DHRS12: variants seen among roughly 807,000 people sequenced by gnomAD.
DHRS12 encodes the protein dehydrogenase/reductase SDR family member 12.
Under a neutral mutation model 32.1 loss-of-function variants are expected in DHRS12, and 29 were observed. The observed-to-expected ratio is 0.90, with a 90% CI of 0.67 to 1.23. DHRS12 has a LOEUF of 1.23. Ranked by LOEUF, DHRS12 falls within the 50% of genes most tolerant of loss-of-function variation. The pLI is 0.00. For missense variants in DHRS12, 330 were observed against 337.2 expected (o/e 0.98, Z 0.17); for synonymous variants, 150 against 135.9 (o/e 1.10, Z -0.72).
downstream of DHRS12, chr13:51,764,590 G>A (rs908045093): frequency 1.3e-5 from 2 of 152,310 alleles, no homozygotes; most frequent in African/African-American, 4.8e-5. Context: ...GCTGCTCCCT[G>A]GCCTCAGAGG....
intron 4 of DHRS12, among the ~76,000 whole-genome samples, chr13:51,778,239 T>C (rs2139060150): frequency 6.6e-6 from 1 of 152,308 alleles, no homozygotes; most frequent in South Asian, 2.1e-4. Flanking sequence ...GAGTTTGTGG[T>C]GAAATAAAAA....
chr13:51,791,128 C>T (rs370489265), intron 3 of DHRS12, 37 bp downstream of exon 3: 2 of 1,417,132 alleles, frequency 1.4e-6, no homozygotes, highest in African/African-American at 2.9e-5. Context: ...AATGGGCCAA[C>T]ATGAATTTAT....
intron 7 of DHRS12, 21 bp downstream of exon 7, chr13:51,771,800 C>A (rs1954030847): frequency 6.2e-7 from 1 of 1,612,820 alleles, no homozygotes; most frequent in South Asian, 1.1e-5. Context: ...AGTGGCTCAG[C>A]AATTAAAGGC....
chr13:51,758,953 C>T, the DHRS12 span, among the ~76,000 whole-genome samples: 9 of 152,168 alleles, frequency 5.9e-5, no homozygotes, highest in South Asian at 2.1e-4. Flanking sequence ...GGAGGTGAGA[C>T]GGAGGATCAC....
At chr13:51,802,713 A>G (rs1955816571) in intron 1 of DHRS12, among the ~76,000 whole-genome samples, 1 of 152,234 alleles carries the variant, frequency 6.6e-6, no homozygotes, top group African/African-American at 2.4e-5. Context: ...GCGCTCTCAC[A>G]CTGAAGTCAA....
chr13:51,777,102 G>A lies in DHRS12; in HGVS notation c.321C>T (p.Thr107=), dbSNP rs141348457. 177 of 1,613,960 alleles carry A rather than the reference G, an allele frequency of 1.1e-4. No individual in the cohort carries two copies. Among genetic ancestry groups the A allele is most frequent in the African/African-American group, 3.1e-4 (23 of 74,920 alleles). The change falls in exon 5 of 9, where the codon ACC becomes ACT. Residue 107 remains threonine, a synonymous_variant. Coordinates refer to ENST00000444610, the MANE Select transcript of DHRS12 (RefSeq NM_001377533.1). ...ANTLGVYILT[T]GLIPVLEKEH... is the part of the protein sequence containing the mutation. ...CTTTCTCCAGCACAGGGATCAGGCC[G>A]GTCGTGAGAATGTACACACCTGAGG...
At chr13:51,758,136 C>G in the DHRS12 span, 1 of 1,404,588 alleles carries the variant, frequency 7.1e-7, no homozygotes. Flanking sequence ...TCCTAGATCT[C>G]TCTCATTCAT....
At chr13:51,769,685 C>G (rs1366421345) in intron 7 of DHRS12, among the ~76,000 whole-genome samples, 1 of 152,234 alleles carries the variant, frequency 6.6e-6, no homozygotes, top group Admixed American at 6.5e-5. Context: ...CAGGAGCCCT[C>G]TCAAACCATC....
At chr13:51,797,647 C>T (rs1277340766) in intron 2 of DHRS12, among the ~76,000 whole-genome samples, 4 of 152,206 alleles carry the variant, frequency 2.6e-5, no homozygotes, top group Non-Finnish European at 5.9e-5. Context: ...CACTTATCCC[C>T]TTGTCAAACC....
Position 51,768,104 on chromosome 13 carries a change from G to A in DHRS12, c.*83C>T. ...CGTCTTCGAGGGGAAGTTGAAGTGG[G>A]GTCTTCTTATTCACTGGTCCCTAGA... On this transcript the variant is annotated 3_prime_UTR_variant, in exon 9 of 9. Coordinates refer to ENST00000444610, the MANE Select transcript of DHRS12 (RefSeq NM_001377533.1). 6.6e-7 allele frequency: 1 copy of A among 1,508,902 alleles called. No individual in the cohort carries two copies. The highest frequency in any genetic ancestry group is 8.8e-7 in the Non-Finnish European group (1 of 1,134,026). 93.5% of individuals were successfully genotyped at this position (1,508,902 alleles called of 1,614,324 possible). A position where few individuals can be genotyped will look rare whatever the true frequency, so the allele number is the denominator to read the frequency against.
chr13:51,795,137 G>T (rs1413532523), intron 2 of DHRS12, among the ~76,000 whole-genome samples: 2 of 152,196 alleles, frequency 1.3e-5, no homozygotes, highest in East Asian at 3.8e-4. Flanking sequence ...CCTGGTGCCT[G>T]TGCTCCCTGG....
At chr13:51,803,363 G>A (rs1394342543) in intron 1 of DHRS12, among the ~76,000 whole-genome samples, 3 of 152,154 alleles carry the variant, frequency 2.0e-5, no homozygotes, top group African/African-American at 7.2e-5. Flanking sequence ...TTTAATTCTC[G>A]CCCAGTGATT....
intron 4 of DHRS12, chr13:51,789,804 T>C (rs1955178643): frequency 2.0e-6 from 2 of 985,302 alleles, no homozygotes; most frequent in South Asian, 4.7e-5. Flanking sequence ...ATACTAAGTA[T>C]TTCTGGCACC....
Position 51,782,615 on chromosome 13 carries a change from G to A in DHRS12, c.302-5494C>T, listed in dbSNP as rs1954768675. Among the ~76,000 whole-genome samples the A allele has an allele frequency of 6.6e-6, 1 of 152,192 alleles. No homozygotes were observed. Among genetic ancestry groups the A allele is most frequent in the South Asian group, 2.1e-4 (1 of 4,830 alleles). On this transcript the variant is annotated intron_variant, in intron 4 of 8. Coordinates refer to ENST00000444610, the MANE Select transcript of DHRS12 (RefSeq NM_001377533.1). The surrounding 1 kb of genome is among the most constrained non-coding windows in gnomAD (Gnocchi z 4.2). ...GGGACTCGGGGACCATGAGAGGCTG[G>A]TGGAGGAAGTGCTGTGCAGGCTTTT...
At chr13:51,772,944 A>T in intron 6 of DHRS12, 2 of 985,498 alleles carry the variant, frequency 2.0e-6, no homozygotes, top group Non-Finnish European at 2.4e-6. Flanking sequence ...GGAGGTGCAG[A>T]GAGTCTCAGA....
intron 4 of DHRS12, among the ~76,000 whole-genome samples, chr13:51,785,633 T>A (rs475551): frequency 3.9e-5 from 6 of 152,140 alleles, no homozygotes; most frequent in African/African-American, 1.2e-4. Context: ...CCAAGGAGGA[T>A]ACAAGATATT....
At chr13:51,770,582 G>A (rs1566273190) in intron 7 of DHRS12, among the ~76,000 whole-genome samples, 1 of 152,160 alleles carries the variant, frequency 6.6e-6, no homozygotes, top group Non-Finnish European at 1.5e-5. Context: ...AGCACTCCCA[G>A]GCTGAGTCTC....
chr13:51,759,933 T>G, the DHRS12 span: 4 of 634,388 alleles, frequency 6.3e-6, no homozygotes, highest in Non-Finnish European at 5.5e-6. Context: ...ACCTGGCCAG[T>G]GAGCACTCGC....
the DHRS12 span, chr13:51,755,337 TTCTG>T: frequency 6.2e-7 from 1 of 1,612,430 alleles, no homozygotes; most frequent in African/African-American, 1.3e-5. Context: ...CAGTGACCTG[TTCTG>T]TGCTTTATTT....
Sources: gnomAD v4.1 joint callset for allele counts (sites outside exome capture counted in the v4.1 genomes callset) on GRCh38, gnomAD v4.1.1 for gene constraint, Gnocchi (gnomAD v3.1) non-coding constraint, MANE v1.5 for transcripts, NCBI Gene and HGNC (gene_info 2026-07-23, HGNC 2026-07-21) for gene names.